The following DRAXIN variants were observed in gnomAD, a reference collection of about 807,000 sequenced individuals.
The protein encoded by DRAXIN is dorsal inhibitory axon guidance protein, also known as dorsal repulsive axon guidance protein.
Under a neutral mutation model 33.9 loss-of-function variants are expected in DRAXIN, and 27 were observed. The observed-to-expected ratio is 0.80, with a 90% confidence interval of 0.59 to 1.10. The LOEUF (loss-of-function observed/expected upper bound fraction) is 1.10. Ranked by LOEUF, DRAXIN falls within the 50% of genes least tolerant of loss-of-function variation. The probability of loss-of-function intolerance (pLI) is 0.00; values close to 1 mark genes in which losing one functional copy is unlikely to be tolerated. For missense variants in DRAXIN, 371 were observed against 460.8 expected, an observed-to-expected ratio of 0.81 and a Z score of 1.78; for synonymous variants, 178 against 194.0, an observed-to-expected ratio of 0.92 and a Z score of 0.69.
At chr1:11,717,492 T>C (rs1641594535) in intron 6 of DRAXIN, among the ~76,000 whole-genome samples, 1 of 150,730 alleles carries the variant, frequency 6.6e-6, no homozygotes, top group Admixed American at 6.6e-5. Context: ...TGAAATCCCA[T>C]CTCTACTAAA....
chr1:11,710,123 TG>T (rs1419464525), intron 3 of DRAXIN, among the ~76,000 whole-genome samples: 1 of 149,776 alleles, frequency 6.7e-6, no homozygotes, highest in Admixed American at 6.7e-5. Flanking sequence ...AGGCGGAGGC[TG>T]TAGCGTGTCA....
chr1:11,705,582 C>T lies in DRAXIN; in HGVS notation c.-10-667C>T, dbSNP rs776718652. Among the ~76,000 whole-genome samples the T allele has an allele frequency of 5.3e-5, 8 of 152,090 alleles. No homozygotes were observed. In the South Asian group the frequency reaches 6.2e-4, roughly 12 times the overall value. Reference sequence around the variant, plus strand: ...GCTGGGCCATCCTGGGACAGCCACACGGGGTTCAGGGCTCAGGGACAGGAA... The same window carrying T: ...GCTGGGCCATCCTGGGACAGCCACATGGGGTTCAGGGCTCAGGGACAGGAA... On this transcript the variant is annotated intron_variant, in intron 1 of 6. Coordinates refer to ENST00000294485, the MANE Select transcript of DRAXIN (RefSeq NM_198545.4). This position sits in a 1 kb window ranked among gnomAD's most constrained non-coding sequence, Gnocchi z 4.8.
intron 5 of DRAXIN, among the ~76,000 whole-genome samples, chr1:11,712,760 ATGG>A (rs1386850007): frequency 6.6e-6 from 1 of 152,100 alleles, no homozygotes; most frequent in Non-Finnish European, 1.5e-5. Context: ...TTATCCGGGC[ATGG>A]TGGAACATGC....
intron 1 of DRAXIN, among the ~76,000 whole-genome samples, chr1:11,703,937 G>A (rs1409507956): frequency 6.6e-6 from 1 of 152,146 alleles, no homozygotes; most frequent in African/African-American, 2.4e-5. Context: ...GCAGGAGTGG[G>A]AGTTCATCTC....
intron 1 of DRAXIN, among the ~76,000 whole-genome samples, chr1:11,703,200 C>T (rs773188152): frequency 4.6e-5 from 7 of 152,180 alleles, no homozygotes; most frequent in African/African-American, 7.2e-5. Flanking sequence ...AAAAACCTGA[C>T]GGTCCCAGCA....
Position 11,712,421 on chromosome 1 carries a change from GC to G in DRAXIN, c.841del (p.Leu281CysfsTer92). The G allele has an allele frequency of 6.2e-7, 1 of 1,614,066 alleles. No individual in the cohort carries two copies. Among genetic ancestry groups the G allele is most frequent in the Middle Eastern group, 1.6e-4 (1 of 6,062 alleles). ...GAACCATGCGACCATCACCAAGACT[GC>G]CTGCCAGGTACCAGCCAGCACCCAC... ...EGEPCDHHQD[C>X]LPGTCCDLRE... On this transcript the variant is annotated frameshift_variant, in exon 5 of 7. Coordinates refer to ENST00000294485, the MANE Select transcript of DRAXIN (RefSeq NM_198545.4). LOFTEE classifies it high-confidence loss of function.
chr1:11,716,935 T>G (rs998136762), intron 6 of DRAXIN, among the ~76,000 whole-genome samples: 3 of 152,172 alleles, frequency 2.0e-5, no homozygotes, highest in Non-Finnish European at 4.4e-5. Context: ...TGAATTACAT[T>G]CTAGTGATAT....
chr1:11,694,722 C>G lies in DRAXIN; in HGVS notation c.-11+2869C>G, dbSNP rs1641163375. On this transcript the variant is annotated intron_variant, in intron 1 of 6. Coordinates refer to ENST00000294485, the MANE Select transcript of DRAXIN (RefSeq NM_198545.4). The surrounding 1 kb of genome is among the most constrained non-coding windows in gnomAD (Gnocchi z 4.9). ...CTGCCTCCCTCTTGCTCCGCTGGCC[C>G]TCTCTGCATGCCCTACTCCAGCCTT... Among the ~76,000 whole-genome samples the G allele has an allele frequency of 6.6e-6, 1 of 152,160 alleles. No individual in the cohort carries two copies. The highest frequency in any genetic ancestry group is 1.5e-5 in the Non-Finnish European group (1 of 68,034).
At chr1:11,689,385 G>A (rs1641021092), upstream of DRAXIN, among the ~76,000 whole-genome samples, 1 of 151,698 alleles carries the variant, frequency 6.6e-6, no homozygotes, top group African/African-American at 2.4e-5. Context: ...ATCACCTGAG[G>A]TCAGGAGTTC....
intron 3 of DRAXIN, among the ~76,000 whole-genome samples, chr1:11,710,838 C>T (rs1641482268): frequency 6.7e-6 from 1 of 149,130 alleles, no homozygotes; most frequent in Non-Finnish European, 1.5e-5. Flanking sequence ...CAGAGAATTG[C>T]TTGAACCCGG....
chr1:11,709,570 C>G (rs1641445137), intron 3 of DRAXIN, 105 bp downstream of exon 3: 3 of 1,313,156 alleles, frequency 2.3e-6, no homozygotes, highest in Non-Finnish European at 3.1e-6. Flanking sequence ...GGGCAGGAGG[C>G]CACAGAGCTT....
chr1:11,717,593 C>T (rs560532284), intron 6 of DRAXIN, among the ~76,000 whole-genome samples: 5 of 143,712 alleles, frequency 3.5e-5, no homozygotes, highest in South Asian at 2.2e-4. Flanking sequence ...AACCAGGAGG[C>T]GGAGGTTGCA....
At chr1:11,710,982 T>TA (rs929338539) in intron 3 of DRAXIN, among the ~76,000 whole-genome samples, 2 of 148,256 alleles carry the variant, frequency 1.3e-5, no homozygotes, top group South Asian at 2.1e-4. Context: ...TATATATGTA[T>TA]AAAAAATACA....
chr1:11,711,712 G>A, intron 3 of DRAXIN, 139 bp from the exon 4 acceptor site: 1 of 713,668 alleles, frequency 1.4e-6, no homozygotes, highest in East Asian at 2.7e-5. Context: ...TTATGTCCTT[G>A]GGCTGAGACT....
At position 11,706,718 on chromosome 1, in the gene DRAXIN, A is replaced by G. The variant is rs1386246522; in HGVS notation, c.451+9A>G. On this transcript the variant is annotated intron_variant, in intron 2 of 6. Transcript: ENST00000294485. The surrounding 1 kb of genome is among the most constrained non-coding windows in gnomAD (Gnocchi z 5.5). ...GTTGAGGCTGCACCAAGGTAGCTGG[A>G]GGGCTGCGAGGGGTGGGGATGGGGG... 3.2e-6 allele frequency: 5 copies of G among 1,544,498 alleles called. No individual in the cohort carries two copies. The highest frequency in any genetic ancestry group is 4.3e-6 in the Non-Finnish European group (5 of 1,149,430).
intron 6 of DRAXIN, among the ~76,000 whole-genome samples, chr1:11,718,625 G>A (rs532110796): frequency 1.3e-5 from 2 of 152,152 alleles, no homozygotes; most frequent in African/African-American, 4.8e-5. Flanking sequence ...ATGCCACAAT[G>A]CCTGGCTAAT....
At position 11,704,224 on chromosome 1, in the gene DRAXIN, C is replaced by T. The variant is rs12045323; in HGVS notation, c.-10-2025C>T. ...GTTTCCCTGTCCCTAGGACGCTCTTCGGGCTTCTCCCAGGCTGTCATGTCC... is the reference window on the plus strand; with the variant it reads ...GTTTCCCTGTCCCTAGGACGCTCTTTGGGCTTCTCCCAGGCTGTCATGTCC... On this transcript the variant is annotated intron_variant, in intron 1 of 6. Transcript: ENST00000294485. The surrounding 1 kb of genome is among the most constrained non-coding windows in gnomAD (Gnocchi z 4.6). Among the ~76,000 whole-genome samples the T allele has an allele frequency of 0.29, 44,277 of 152,176 alleles. 6,737 individuals carry two copies. Among genetic ancestry groups the T allele is most frequent in the East Asian group, 0.43 (2,199 of 5,162 alleles).
chr1:11,716,659 G>A (rs984135161), intron 6 of DRAXIN, among the ~76,000 whole-genome samples: 1 of 152,064 alleles, frequency 6.6e-6, no homozygotes, highest in Non-Finnish European at 1.5e-5. Flanking sequence ...TTTTAAAATT[G>A]TGGACTTTTA....
rs755167409 is a variant in DRAXIN, at chr1:11,719,641, G to A, written c.995G>A (p.Arg332His). Residue 332 changes from arginine (R) to histidine (H), a missense_variant, in exon 7 of 7, where the codon CGC (arginine) becomes CAC (histidine). Arg to His is a conservative substitution (Grantham distance 29). Transcript: ENST00000294485. ...RNRRVTRRKG[R>H]CVEPETANGD... ...CGCAGGGTTACACGGAGGAAAGGGC[G>A]CTGTGTGGAGCCCGAGACGGCCAAC... The A allele has an allele frequency of 4.3e-6, 7 of 1,613,998 alleles. No homozygotes were observed. In the South Asian group the frequency reaches 4.4e-5, roughly 10 times the overall value.
Sources: gnomAD v4.1 joint callset for allele counts (sites outside exome capture counted in the v4.1 genomes callset) on GRCh38, gnomAD v4.1.1 for gene constraint, Gnocchi (gnomAD v3.1) non-coding constraint, MANE v1.5 for transcripts, NCBI Gene and HGNC (gene_info 2026-07-23, HGNC 2026-07-21) for gene names.